The following CR1L variants were observed in gnomAD, a reference collection of about 807,000 sequenced individuals.
CR1L encodes complement component receptor 1-like protein.
A neutral mutation model predicts 62.3 loss-of-function variants in CR1L; 59 were observed. The observed-to-expected ratio is 0.95, with a 90% CI of 0.77 to 1.18. The LOEUF (loss-of-function observed/expected upper bound fraction) is 1.18. CR1L is among the 50% of genes most tolerant of loss of function. The pLI, the probability that CR1L is intolerant of heterozygous loss-of-function variation, is 0.00. For synonymous variants in CR1L, 279 were observed against 248.7 expected (o/e 1.12, Z -1.15); for missense variants, 700 against 702.8 (o/e 1.00, Z 0.04).
chr1:207,671,821 T>C (rs561460665), intron 1 of CR1L, among the ~76,000 whole-genome samples: 3 of 150,808 alleles, frequency 2.0e-5, no homozygotes, highest in African/African-American at 7.5e-5. Flanking sequence ...CTCAGGAGGC[T>C]GAGGCAGGAG....
intron 10 of CR1L, among the ~76,000 whole-genome samples, chr1:207,709,620 T>A (rs1664321242): frequency 2.0e-5 from 3 of 152,126 alleles, no homozygotes; most frequent in Non-Finnish European, 2.9e-5. Flanking sequence ...GTGGATCACT[T>A]GAGGTCAGGA....
At chr1:207,666,576 T>C (rs978896533) in intron 1 of CR1L, among the ~76,000 whole-genome samples, 4 of 152,302 alleles carry the variant, frequency 2.6e-5, no homozygotes, top group African/African-American at 9.6e-5. Context: ...CTAGAGGCCA[T>C]TATCCATTGC....
At chr1:207,650,879 G>A (rs562811337) in intron 1 of CR1L, among the ~76,000 whole-genome samples, 2 of 152,030 alleles carry the variant, frequency 1.3e-5, no homozygotes, top group Non-Finnish European at 2.9e-5. Flanking sequence ...TCTGCCACCT[G>A]GGTTCAAGCA....
At chr1:207,682,478 A>G (rs1436537679) in intron 3 of CR1L, among the ~76,000 whole-genome samples, 1 of 152,146 alleles carries the variant, frequency 6.6e-6, no homozygotes, top group East Asian at 1.9e-4. Context: ...TAATAATAAT[A>G]AATAACCAAA....
chr1:207,647,389 C>T (rs554655445), intron 1 of CR1L, among the ~76,000 whole-genome samples: 4 of 152,224 alleles, frequency 2.6e-5, no homozygotes, highest in South Asian at 2.1e-4. Flanking sequence ...GGAATGTTAC[C>T]GCTTCAGAGA....
At chr1:207,669,667 C>T (rs1663579843) in intron 1 of CR1L, 1 of 718,822 alleles carries the variant, frequency 1.4e-6, no homozygotes. Flanking sequence ...TCTGCGCGCC[C>T]GGGTCCAAAG....
chr1:207,697,347 C>T (rs1257088031), intron 5 of CR1L, among the ~76,000 whole-genome samples, 156 bp from the exon 6 acceptor site: 8 of 152,302 alleles, frequency 5.3e-5, no homozygotes, highest in Non-Finnish European at 1.2e-4. Context: ...ACATCTTCCT[C>T]GCCCTGTGTA....
rs190393570 is a variant in CR1L, at chr1:207,670,502, C to T, written c.98-6887C>T. On this transcript the variant is annotated intron_variant, in intron 1 of 11. Transcript: ENST00000508064. ...CTTCTATTATTAGTTTTGGGCTCCCCAGAAGTCTTCTTGGTTGCCTAGACT... is the reference window on the plus strand; with the variant it reads ...CTTCTATTATTAGTTTTGGGCTCCCTAGAAGTCTTCTTGGTTGCCTAGACT... 1.4e-3 allele frequency among the ~76,000 whole-genome samples: 205 copies of T among 150,972 alleles called. 18 individuals are homozygous for T. Among genetic ancestry groups the T allele is most frequent in the African/African-American group, 4.8e-3 (194 of 40,316 alleles).
At chr1:207,697,465 T>G in intron 5 of CR1L, 38 bp from the exon 6 acceptor site, 6 of 1,613,416 alleles carry the variant, frequency 3.7e-6, no homozygotes, top group Non-Finnish European at 5.1e-6. Context: ...AAAAGTTATT[T>G]TCACACAATT....
At chr1:207,667,794 A>C (rs1405349625) in intron 1 of CR1L, among the ~76,000 whole-genome samples, 1 of 144,304 alleles carries the variant, frequency 6.9e-6, no homozygotes, top group African/African-American at 2.9e-5. Context: ...AATATCCAGA[A>C]TATCTGAGGA....
intron 4 of CR1L, among the ~76,000 whole-genome samples, 155 bp from the exon 5 acceptor site, chr1:207,694,198 A>G (rs1023539792): frequency 2.0e-5 from 3 of 152,342 alleles, no homozygotes; most frequent in East Asian, 3.9e-4. Context: ...AGGACACATC[A>G]TATTATCCCC....
chr1:207,711,865 C>T (rs535564877), intron 10 of CR1L, among the ~76,000 whole-genome samples: 2 of 151,640 alleles, frequency 1.3e-5, no homozygotes, highest in Admixed American at 1.3e-4. Context: ...CACGACTGTG[C>T]TCCAGCCTGG....
Position 207,712,286 on chromosome 1 carries a change from C to T in CR1L, c.1414+4023C>T, listed in dbSNP as rs1167999722. On this transcript the variant is annotated intron_variant, in intron 10 of 11. Transcript: ENST00000508064. ...CTGAATAATGATGGTACAAATACCT[C>T]CCTAGGAAATATGTAGATGGAGAAT... Among the ~76,000 whole-genome samples, 6 of 152,284 alleles carry T rather than the reference C, an allele frequency of 3.9e-5. No homozygotes were observed. In the East Asian group the frequency reaches 1.2e-3, roughly 29 times the overall value.
chr1:207,679,899 GA>G (rs1026077649), intron 3 of CR1L, among the ~76,000 whole-genome samples: 1 of 152,114 alleles, frequency 6.6e-6, no homozygotes, highest in African/African-American at 2.4e-5. Context: ...CACCATTCTG[GA>G]AAAGGCAAAA....
chr1:207,703,543 T>A (rs572667962), intron 9 of CR1L, among the ~76,000 whole-genome samples: 2 of 152,354 alleles, frequency 1.3e-5, no homozygotes, highest in Admixed American at 1.3e-4. Flanking sequence ...TGACTTTGTA[T>A]CCAATCAGGC....
At chr1:207,658,079 T>A (rs890057334) in intron 1 of CR1L, among the ~76,000 whole-genome samples, 1 of 152,140 alleles carries the variant, frequency 6.6e-6, no homozygotes, top group Non-Finnish European at 1.5e-5. Flanking sequence ...GTGTTTTGAA[T>A]TGAATCATAA....
At chr1:207,651,455 G>A (rs1663222853) in intron 1 of CR1L, among the ~76,000 whole-genome samples, 1 of 152,110 alleles carries the variant, frequency 6.6e-6, no homozygotes, top group Non-Finnish European at 1.5e-5. Context: ...CTCTCAACCT[G>A]AGGCAGGACC....
intron 7 of CR1L, 105 bp from the exon 8 acceptor site, chr1:207,699,084 G>T (rs2102471285): frequency 7.0e-7 from 1 of 1,420,460 alleles, no homozygotes; most frequent in South Asian, 1.2e-5. Context: ...CCACCTGCTG[G>T]CCTCAGGTCC....
intron 1 of CR1L, among the ~76,000 whole-genome samples, chr1:207,648,174 A>AACACACACACACACACACACAC (rs71154832): frequency 8.0e-6 from 1 of 125,362 alleles, no homozygotes; most frequent in South Asian, 2.7e-4. Flanking sequence ...CCCGGTCTCA[A>AACACACACACACACACACACAC]ACACACACAC....
Sources: gnomAD v4.1 joint callset for allele counts (sites outside exome capture counted in the v4.1 genomes callset) on GRCh38, gnomAD v4.1.1 for gene constraint, MANE v1.5 for transcripts, NCBI Gene and HGNC (gene_info 2026-07-23, HGNC 2026-07-21) for gene names.